The following F11R variants were observed in gnomAD, a reference collection of about 807,000 sequenced individuals.
F11R encodes the protein F11 receptor, also known as junctional adhesion molecule A.
In F11R, 27 loss-of-function variants were observed where a neutral mutation model predicts 39.3. The ratio of observed to expected loss-of-function variants is 0.69; its 90% CI spans 0.51 to 0.95. The LOEUF (loss-of-function observed/expected upper bound fraction) is 0.95, where lower values mean the gene tolerates loss of function less well. Ranked by LOEUF, F11R falls within the 40% of genes least tolerant of loss-of-function variation. F11R has a pLI of 0.00. For missense variants in F11R, 335 were observed against 372.7 expected, an observed-to-expected ratio of 0.90 and a Z score of 0.83; for synonymous variants, 131 against 144.9, an observed-to-expected ratio of 0.90 and a Z score of 0.69.
chr1:161,016,523 G>A (rs1251363393), intron 1 of F11R, among the ~76,000 whole-genome samples: 1 of 152,064 alleles, frequency 6.6e-6, no homozygotes, highest in Non-Finnish European at 1.5e-5. Flanking sequence ...CGGGCGTGGT[G>A]GCGCGTGCCT....
Position 161,006,394 on chromosome 1 carries a change from A to G in F11R, c.65-5041T>C, listed in dbSNP as rs1648821787. ...CCCAAATGAACAGCAGCATCTAATT[A>G]GACTAAAAACTAGCCTTTGAAATAA... On this transcript the variant is annotated intron_variant, in intron 1 of 9. Transcript: ENST00000368026. Among the ~76,000 whole-genome samples, 3 of 152,226 alleles carry G rather than the reference A, an allele frequency of 2.0e-5. No homozygotes were observed. In the South Asian group the frequency reaches 6.2e-4, roughly 31 times the overall value.
Position 160,998,768 on chromosome 1 carries a change from G to T in F11R, c.*103C>A. The stretch of plus-strand genomic sequence containing the variant: ...GAAGTAGGGGGCCCTGTGGGGTGTA[G>T]AAGACAAATAAGGCATCCTGTGAAA... On this transcript the variant is annotated 3_prime_UTR_variant, in exon 10 of 10. Transcript: ENST00000368026. The T allele has an allele frequency of 8.6e-7, 1 of 1,164,100 alleles. No individual in the cohort carries two copies. The highest frequency in any genetic ancestry group is 1.3e-6 in the Non-Finnish European group (1 of 777,476). The allele number at this position is 1,164,100 out of a possible 1,614,324, so 72.1% of individuals were successfully genotyped here.
intron 1 of F11R, among the ~76,000 whole-genome samples, chr1:161,012,840 G>A (rs1447142305): frequency 1.3e-5 from 2 of 151,946 alleles, no homozygotes; most frequent in African/African-American, 4.8e-5. Context: ...GGCCAGGCTG[G>A]TCTTGAACTC....
chr1:161,006,585 C>T (rs987643302), intron 1 of F11R, among the ~76,000 whole-genome samples: 1 of 152,134 alleles, frequency 6.6e-6, no homozygotes, highest in South Asian at 2.1e-4. Flanking sequence ...TTCATTAATC[C>T]GCACTGCCAT....
At chr1:161,008,525 C>G (rs753357679) in intron 1 of F11R, among the ~76,000 whole-genome samples, 6 of 152,096 alleles carry the variant, frequency 3.9e-5, no homozygotes, top group Admixed American at 1.3e-4. Flanking sequence ...AAAGTCCATT[C>G]TCCATTCCAC....
chr1:161,015,548 G>A (rs1173216884), intron 1 of F11R, among the ~76,000 whole-genome samples: 2 of 148,858 alleles, frequency 1.3e-5, no homozygotes, highest in Non-Finnish European at 3.0e-5. Context: ...ACAAGATCAC[G>A]CCACTGGACT....
chr1:161,001,120 C>T lies in F11R; in HGVS notation c.141G>A (p.Lys47=). 1 of 1,614,082 alleles carries T rather than the reference C, an allele frequency of 6.2e-7. No individual in the cohort carries two copies. Residue 47 remains lysine, a synonymous_variant, in exon 3 of 10, where the codon AAG becomes AAA. Coordinates refer to ENST00000368026, the MANE Select transcript of F11R (RefSeq NM_016946.6). ...AAAAGCCCGAGTAGGCACAGGACAACTTCACAGCTGCAGACAGGGTCAAAA... is the reference window on the plus strand; with the variant it reads ...AAAAGCCCGAGTAGGCACAGGACAATTTCACAGCTGCAGACAGGGTCAAAA... The part of the protein sequence containing the change: ...EVRIPENNPV[K]LSCAYSGFSS...
intron 1 of F11R, among the ~76,000 whole-genome samples, chr1:161,017,084 T>C (rs1649503242): frequency 6.6e-6 from 1 of 152,012 alleles, no homozygotes; most frequent in Admixed American, 6.6e-5. Context: ...TCCTTAAGAG[T>C]CATCACCACT....
chr1:161,012,395 G>A (rs1450239557), intron 1 of F11R, among the ~76,000 whole-genome samples: 1 of 152,078 alleles, frequency 6.6e-6, no homozygotes, highest in African/African-American at 2.4e-5. Flanking sequence ...AATCACTTGA[G>A]CCCAGGAGTT....
At chr1:161,000,113 C>T (rs1365807397) in intron 5 of F11R, 33 bp downstream of exon 5, 4 of 1,612,080 alleles carry the variant, frequency 2.5e-6, no homozygotes, top group Non-Finnish European at 3.4e-6. Flanking sequence ...AACTGCATCC[C>T]CCACACATCT....
chr1:161,001,845 T>C (rs908240307), intron 1 of F11R, among the ~76,000 whole-genome samples: 3 of 152,214 alleles, frequency 2.0e-5, no homozygotes, highest in Non-Finnish European at 2.9e-5. Context: ...TAAAAGTGTT[T>C]TCGTGTACAT....
rs911271558 is a variant in F11R at position 160,999,700 on chromosome 1, T to A, written c.742A>T (p.Ile248Phe). Residue 248 changes from isoleucine (I) to phenylalanine (F), a missense_variant, in exon 7 of 10, where the codon ATT (isoleucine) becomes TTT (phenylalanine). Transcript: ENST00000368026. ...VIVAAVLVTL[I>F]LLGILVFGIW... ...CCAAAAACCAAGATTCCCAGGAGAA[T>A]CAGGGTTACAAGGACGGCTGCCACG... 1 of 1,614,030 alleles carries A rather than the reference T, an allele frequency of 6.2e-7. No individual in the cohort carries two copies. Among genetic ancestry groups the A allele is most frequent in the African/African-American group, 1.3e-5 (1 of 74,982 alleles).
In F11R at chr1:160,999,984, G is replaced by A. The variant is rs1328426017; in HGVS notation, c.592-6C>T. 1.9e-5 allele frequency: 30 copies of A among 1,613,726 alleles called. No individual in the cohort carries two copies. The highest frequency in any genetic ancestry group is 2.5e-5 in the Non-Finnish European group (30 of 1,179,696). On this transcript the variant is annotated splice_region_variant and splice_polypyrimidine_tract_variant and intron_variant, in intron 5 of 9. Coordinates refer to ENST00000368026, the MANE Select transcript of F11R (RefSeq NM_016946.6). The stretch of plus-strand genomic sequence containing the variant: ...GCTGACAGGGGATCAAAGACCTGAG[G>A]AAGGAAAACAAATTGGCTTCCTGCT...
chr1:161,008,361 C>T (rs752166919), intron 1 of F11R, among the ~76,000 whole-genome samples: 1 of 152,044 alleles, frequency 6.6e-6, no homozygotes, highest in African/African-American at 2.4e-5. Context: ...CGGGCGTGGT[C>T]GCAGGCACCT....
chr1:161,000,459 C>T, intron 4 of F11R, 111 bp from the exon 5 acceptor site: 1 of 1,414,684 alleles, frequency 7.1e-7, no homozygotes, highest in Non-Finnish European at 9.8e-7. Flanking sequence ...CCTACTCTCA[C>T]CATGCCCCTG....
Position 161,009,227 on chromosome 1 carries a change from T to C in F11R, c.65-7874A>G, listed in dbSNP as rs1571016048. Among the ~76,000 whole-genome samples, 4 of 152,264 alleles carry C rather than the reference T, an allele frequency of 2.6e-5. 1 individual carries two copies. Among genetic ancestry groups the C allele is most frequent in the African/African-American group, 9.6e-5 (4 of 41,556 alleles). On this transcript the variant is annotated intron_variant, in intron 1 of 9. Coordinates refer to ENST00000368026, the MANE Select transcript of F11R (RefSeq NM_016946.6). ...TCCTCACCATAGCCTCACCTAAGCCTCTTTCCTAGGCTTTAATTATCCCAT... is the reference window on the plus strand; with the variant it reads ...TCCTCACCATAGCCTCACCTAAGCCCCTTTCCTAGGCTTTAATTATCCCAT...
At chr1:161,017,549 G>A (rs988337507) in intron 1 of F11R, among the ~76,000 whole-genome samples, 8 of 152,146 alleles carry the variant, frequency 5.3e-5, no homozygotes, top group Admixed American at 1.3e-4. Context: ...CTTTGTTCAC[G>A]TGTTTGTCTA....
intron 1 of F11R, among the ~76,000 whole-genome samples, chr1:161,015,949 A>C (rs1183660732): frequency 6.6e-6 from 1 of 152,162 alleles, no homozygotes; most frequent in East Asian, 1.9e-4. Flanking sequence ...TTTTTTAAAA[A>C]AAATCACAGT....
chr1:161,019,862 T>G (rs758377562), intron 1 of F11R, among the ~76,000 whole-genome samples: 1 of 152,196 alleles, frequency 6.6e-6, no homozygotes, highest in Non-Finnish European at 1.5e-5. Context: ...AGAAAGAGGA[T>G]GATATATGCC....
Sources: gnomAD v4.1 joint callset for allele counts (sites outside exome capture counted in the v4.1 genomes callset) on GRCh38, gnomAD v4.1.1 for gene constraint, MANE v1.5 for transcripts, NCBI Gene and HGNC (gene_info 2026-07-23, HGNC 2026-07-21) for gene names.